The following CXCL13 variants were observed in gnomAD, a reference collection of about 807,000 sequenced individuals.
CXCL13 encodes C-X-C motif chemokine ligand 13.
A neutral mutation model predicts 12.2 loss-of-function variants in CXCL13; 7 were observed. That is an observed-to-expected ratio of 0.57 (90% CI 0.33 to 1.07). CXCL13 has a LOEUF of 1.07. Among genes scored for constraint, CXCL13 ranks in the 50% least tolerant of loss-of-function variants. The pLI is 0.04. For synonymous variants in CXCL13, 47 were observed against 42.4 expected, an observed-to-expected ratio of 1.11 and a Z score of -0.42; for missense variants, 113 against 127.4, an observed-to-expected ratio of 0.89 and a Z score of 0.55.
At chr4:77,591,550 C>CAAAAAAAA (rs780283463) in intron 1 of CXCL13, among the ~76,000 whole-genome samples, 1 of 48,618 alleles carries the variant, frequency 2.1e-5, no homozygotes, top group Non-Finnish European at 4.6e-5. Flanking sequence ...GACTCCATCT[C>CAAAAAAAA]AAAAAAAAAA....
intron 1 of CXCL13, among the ~76,000 whole-genome samples, chr4:77,518,208 C>G (rs998795217): frequency 1.3e-5 from 2 of 152,226 alleles, no homozygotes; most frequent in African/African-American, 4.8e-5. Flanking sequence ...CCCGACCTTT[C>G]TCTCTGGCTG....
chr4:77,552,660 G>A (rs1020619906), intron 1 of CXCL13, among the ~76,000 whole-genome samples: 9 of 152,226 alleles, frequency 5.9e-5, no homozygotes, highest in Non-Finnish European at 1.3e-4. Context: ...CACCAGCACT[G>A]AGGGGAGAAT....
chr4:77,534,402 C>T (rs1168251785), intron 1 of CXCL13, among the ~76,000 whole-genome samples: 2 of 152,122 alleles, frequency 1.3e-5, no homozygotes, highest in Non-Finnish European at 2.9e-5. Flanking sequence ...AAATACTACC[C>T]AGAAATAAAA....
At chr4:77,566,375 C>T (rs1725924242) in intron 1 of CXCL13, among the ~76,000 whole-genome samples, 1 of 152,124 alleles carries the variant, frequency 6.6e-6, no homozygotes, top group South Asian at 2.1e-4. Context: ...CTTTGACTTG[C>T]TAATTGGCAA....
chr4:77,565,533 T>C (rs1725907552), intron 1 of CXCL13, among the ~76,000 whole-genome samples: 1 of 152,188 alleles, frequency 6.6e-6, no homozygotes, highest in Non-Finnish European at 1.5e-5. Flanking sequence ...TATATATATA[T>C]ATTTGCAGGG....
intron 1 of CXCL13, among the ~76,000 whole-genome samples, chr4:77,571,758 C>G (rs1726087899): frequency 6.6e-6 from 1 of 151,828 alleles, no homozygotes; most frequent in Admixed American, 6.5e-5. Flanking sequence ...TCCCCTTCCA[C>G]ACTGTGGAAG....
At chr4:77,565,105 G>A (rs899858396) in intron 1 of CXCL13, among the ~76,000 whole-genome samples, 4 of 152,172 alleles carry the variant, frequency 2.6e-5, no homozygotes, top group Non-Finnish European at 4.4e-5. Flanking sequence ...CAATGAGAGG[G>A]AACTGAATGG....
At chr4:77,543,590 T>C (rs951313821) in intron 1 of CXCL13, among the ~76,000 whole-genome samples, 6 of 152,158 alleles carry the variant, frequency 3.9e-5, no homozygotes, top group African/African-American at 1.4e-4. Flanking sequence ...TTTTTGAATT[T>C]CTGTCTTACT....
intron 1 of CXCL13, among the ~76,000 whole-genome samples, chr4:77,547,827 T>C (rs1044927346): frequency 2.6e-5 from 4 of 152,214 alleles, no homozygotes; most frequent in African/African-American, 4.8e-5. Context: ...CTTCCTAGCA[T>C]TGATGGTCTT....
At chr4:77,563,244 A>G (rs1249785923) in intron 1 of CXCL13, among the ~76,000 whole-genome samples, 1 of 152,120 alleles carries the variant, frequency 6.6e-6, no homozygotes, top group African/African-American at 2.4e-5. Flanking sequence ...CAGTGAGACC[A>G]AGAACCCACC....
chr4:77,515,422 A>G (rs1298582402), intron 1 of CXCL13, among the ~76,000 whole-genome samples: 2 of 152,126 alleles, frequency 1.3e-5, no homozygotes, highest in Non-Finnish European at 2.9e-5. Context: ...CACGATATTG[A>G]TTCTTCCTAC....
intron 1 of CXCL13, among the ~76,000 whole-genome samples, chr4:77,565,676 G>A (rs185553214): frequency 3.9e-5 from 6 of 152,254 alleles, no homozygotes; most frequent in Admixed American, 3.9e-4. Flanking sequence ...GTAAAACAGG[G>A]TGATCCTGCC....
At chr4:77,562,172 C>T (rs1453347887) in intron 1 of CXCL13, among the ~76,000 whole-genome samples, 5 of 146,012 alleles carry the variant, frequency 3.4e-5, no homozygotes, top group Non-Finnish European at 7.6e-5. Context: ...ACCGCTGCCC[C>T]CACCCCCCCA....
chr4:77,514,487 T>C (rs1252151679), intron 1 of CXCL13, among the ~76,000 whole-genome samples: 4 of 144,614 alleles, frequency 2.8e-5, no homozygotes, highest in Non-Finnish European at 1.5e-5. Context: ...GACTTTTTAA[T>C]GATTGCCATT....
intron 1 of CXCL13, among the ~76,000 whole-genome samples, chr4:77,552,840 C>T (rs1181804302): frequency 6.6e-6 from 1 of 152,212 alleles, no homozygotes; most frequent in Non-Finnish European, 1.5e-5. Context: ...GAGAGGGTCC[C>T]ACTGCACCAT....
chr4:77,591,241 C>T (rs995948510), intron 1 of CXCL13, among the ~76,000 whole-genome samples: 1 of 152,014 alleles, frequency 6.6e-6, no homozygotes, highest in Non-Finnish European at 1.5e-5. Context: ...CTAATTATGG[C>T]TGGTGTCACC....
At chr4:77,535,926 T>C (rs1465744662) in intron 1 of CXCL13, among the ~76,000 whole-genome samples, 1 of 152,226 alleles carries the variant, frequency 6.6e-6, no homozygotes, top group Non-Finnish European at 1.5e-5. Context: ...AAAAGTTGGG[T>C]GTGGAATTGA....
chr4:77,604,349 TTCTG>T (rs1380048285), upstream of CXCL13, among the ~76,000 whole-genome samples: 2 of 152,154 alleles, frequency 1.3e-5, no homozygotes, highest in Non-Finnish European at 2.9e-5. Context: ...TCCTTCCTCC[TTCTG>T]TCTATCGCAG....
At chr4:77,517,229 A>G (rs1048295199) in intron 1 of CXCL13, among the ~76,000 whole-genome samples, 1 of 152,116 alleles carries the variant, frequency 6.6e-6, no homozygotes, top group African/African-American at 2.4e-5. Flanking sequence ...ACTTCCAACT[A>G]TGTGGTCAAT....
Sources: gnomAD v4.1 joint callset for allele counts (sites outside exome capture counted in the v4.1 genomes callset) on GRCh38, gnomAD v4.1.1 for gene constraint, MANE v1.5 for transcripts, NCBI Gene and HGNC (gene_info 2026-07-23, HGNC 2026-07-21) for gene names.